Variants in PTPRJ observed in about 807,000 individuals in gnomAD.
The protein encoded by PTPRJ is receptor-type tyrosine-protein phosphatase eta.
A neutral mutation model predicts 141.3 loss-of-function variants in PTPRJ; 129 were observed. The observed-to-expected ratio is 0.91, with a 90% CI of 0.79 to 1.06. The LOEUF (loss-of-function observed/expected upper bound fraction) is 1.06, where lower values mean the gene tolerates loss of function less well. PTPRJ is among the 50% of genes least tolerant of loss of function. The pLI is 0.00. For missense variants in PTPRJ, 1,601 were observed against 1,679.7 expected (o/e 0.95, Z 0.82); for synonymous variants, 610 against 640.5 (o/e 0.95, Z 0.72).
rs1590577765 is a variant in PTPRJ, at chr11:48,167,764, A to G, written c.*402A>G. The stretch of plus-strand genomic sequence containing the variant: ...AATATATTTTAAGTATCAGAGGTCT[A>G]TTTTTACCTACTGTGTCTTGGAATC... On this transcript the variant is annotated 3_prime_UTR_variant, in exon 25 of 25. Coordinates refer to ENST00000418331, the MANE Select transcript of PTPRJ (RefSeq NM_002843.4). The G allele has an allele frequency of 6.4e-6, 1 of 155,520 alleles. No homozygotes were observed. The highest frequency in any genetic ancestry group is 2.0e-4 in the South Asian group (1 of 4,924). The allele number at this position is 155,520 out of a possible 1,614,324, so 9.6% of individuals were successfully genotyped here.
At position 48,137,028 on chromosome 11, in the gene PTPRJ, T is replaced by G; in HGVS notation, c.1899T>G (p.Asp633Glu). Residue 633 changes from aspartate (D) to glutamate (E), a missense_variant, in exon 10 of 25, where the codon GAT becomes GAG. By Grantham distance (45) the Asp-to-Glu change is conservative. Coordinates refer to ENST00000418331, the MANE Select transcript of PTPRJ (RefSeq NM_002843.4). ...GGCCCAGCAATGTGTCCAACATTGA[T>G]GTAAGTACCAACACCACAGCAGCAA... ...YTRPSNVSNI[D>E]VSTNTTAATL... 6.2e-7 allele frequency: 1 copy of G among 1,605,880 alleles called. No homozygotes were observed. The highest frequency in any genetic ancestry group is 8.5e-7 in the Non-Finnish European group (1 of 1,172,500).
chr11:48,016,496 C>T (rs779242985), intron 1 of PTPRJ, among the ~76,000 whole-genome samples: 6 of 152,294 alleles, frequency 3.9e-5, no homozygotes, highest in Non-Finnish European at 5.9e-5. Context: ...GTACCTTCTG[C>T]GGGAGAAAAG....
chr11:48,110,125 T>A (rs745905578), intron 2 of PTPRJ, 49 bp downstream of exon 2: 1 of 1,570,818 alleles, frequency 6.4e-7, no homozygotes, highest in Non-Finnish European at 8.8e-7. Context: ...TACTGCCCCC[T>A]AATGGACACA....
chr11:48,160,185 A>G (rs1590570459), intron 22 of PTPRJ, 136 bp downstream of exon 22: 1 of 1,259,386 alleles, frequency 7.9e-7, no homozygotes, highest in African/African-American at 1.5e-5. Context: ...CTTTCAGAAC[A>G]GAACAATCCA....
intron 1 of PTPRJ, among the ~76,000 whole-genome samples, chr11:48,004,665 G>T (rs191579835): frequency 2.0e-5 from 3 of 152,136 alleles, no homozygotes; most frequent in Non-Finnish European, 2.9e-5. Flanking sequence ...AGGCCTGCAG[G>T]GGGGAAGACT....
chr11:48,156,574 GGGTTTTTTTTTTTTTTTT>G (rs1266531526), intron 21 of PTPRJ, among the ~76,000 whole-genome samples: 6 of 11,134 alleles, frequency 5.4e-4, no homozygotes, highest in Admixed American at 1.7e-3. Flanking sequence ...CTCCACCCCA[GGGTTTTTTTTTTTTTTTT>G]TTTTTTTTTT....
chr11:48,060,766 A>G (rs546371830), intron 1 of PTPRJ, among the ~76,000 whole-genome samples: 1 of 152,282 alleles, frequency 6.6e-6, no homozygotes, highest in South Asian at 2.1e-4. Flanking sequence ...CTCTTTCAGA[A>G]TAATGCATGG....
chr11:48,053,473 TA>T lies in PTPRJ; in HGVS notation c.97-56579del, dbSNP rs530658915. On this transcript the variant is annotated intron_variant, in intron 1 of 24. Transcript: ENST00000418331. The stretch of plus-strand genomic sequence containing the variant: ...TATACTATATATTATATATAATATA[TA>T]AAAAATATATATAAAATATATATAT... Among the ~76,000 whole-genome samples, 883 of 118,998 alleles carry T rather than the reference TA, an allele frequency of 7.4e-3. 24 individuals are homozygous for T. The highest frequency in any genetic ancestry group is 0.027 in the African/African-American group (815 of 30,418). The allele number at this position is 118,998 out of a possible 152,430, so 78.1% of individuals were successfully genotyped here. A position where few individuals can be genotyped will look rare whatever the true frequency, so the allele number is the denominator to read the frequency against.
intron 19 of PTPRJ, 89 bp downstream of exon 19, chr11:48,153,975 A>C (rs1038814736): frequency 2.8e-5 from 25 of 890,478 alleles, no homozygotes; most frequent in Non-Finnish European, 4.6e-5. Context: ...CAGTGATCCT[A>C]AGTAACCACT....
At chr11:48,074,525 G>A (rs1489569470) in intron 1 of PTPRJ, among the ~76,000 whole-genome samples, 1 of 152,192 alleles carries the variant, frequency 6.6e-6, no homozygotes. Context: ...CTCCCCACCA[G>A]TTCTGTGAAC....
intron 1 of PTPRJ, among the ~76,000 whole-genome samples, chr11:48,053,315 ATATATAT>A (rs1854645979): frequency 1.1e-5 from 1 of 92,120 alleles, no homozygotes; most frequent in Non-Finnish European, 1.9e-5. Flanking sequence ...TAAATATATA[ATATATAT>A]TATATATTAA....
chr11:48,039,277 C>G (rs1294363029), intron 1 of PTPRJ, among the ~76,000 whole-genome samples: 1 of 151,318 alleles, frequency 6.6e-6, no homozygotes, highest in Non-Finnish European at 1.5e-5. Context: ...ATCCTTATAT[C>G]TACCCATGAG....
intron 1 of PTPRJ, among the ~76,000 whole-genome samples, chr11:48,033,999 C>G (rs1280190276): frequency 6.6e-6 from 1 of 152,238 alleles, no homozygotes; most frequent in Non-Finnish European, 1.5e-5. Flanking sequence ...CAGGAACTTA[C>G]AAGAGCTTCT....
intron 1 of PTPRJ, among the ~76,000 whole-genome samples, chr11:48,019,106 C>T (rs1855034073): frequency 6.6e-6 from 1 of 152,074 alleles, no homozygotes; most frequent in East Asian, 1.9e-4. Context: ...CCCGTGGGTC[C>T]TGCCCTTCCA....
intron 1 of PTPRJ, among the ~76,000 whole-genome samples, chr11:48,028,466 A>T (rs1448083236): frequency 6.6e-6 from 1 of 152,188 alleles, no homozygotes; most frequent in Non-Finnish European, 1.5e-5. Context: ...AGGAGAGTAG[A>T]CTGGCCACAG....
chr11:48,119,616 G>A (rs369314084), intron 3 of PTPRJ, among the ~76,000 whole-genome samples: 1 of 152,060 alleles, frequency 6.6e-6, no homozygotes, highest in Non-Finnish European at 1.5e-5. Flanking sequence ...CCAGGCTGGT[G>A]TCGAACTCCT....
At chr11:48,132,422 C>T (rs1857003802) in intron 8 of PTPRJ, 5 of 982,558 alleles carry the variant, frequency 5.1e-6, no homozygotes, top group African/African-American at 1.8e-5. Context: ...TCTAGGCCTA[C>T]AGGAGAAACT....
intron 1 of PTPRJ, among the ~76,000 whole-genome samples, chr11:48,050,962 C>G (rs1854550283): frequency 6.6e-6 from 1 of 152,070 alleles, no homozygotes; most frequent in East Asian, 1.9e-4. Flanking sequence ...TAGGAAATAG[C>G]TCACTTGCCA....
intron 6 of PTPRJ, among the ~76,000 whole-genome samples, chr11:48,127,384 C>G (rs1190790702): frequency 6.6e-6 from 1 of 152,186 alleles, no homozygotes; most frequent in South Asian, 2.1e-4. Context: ...CCAGGCCTGC[C>G]TCGTCCTGAC....
Sources: allele counts gnomAD v4.1 joint callset (sites outside exome capture counted in the v4.1 genomes callset), GRCh38; gene constraint gnomAD v4.1.1; transcripts MANE v1.5; gene names NCBI Gene and HGNC (gene_info 2026-07-23, HGNC 2026-07-21).